Variants in GRID1 observed in about 807,000 individuals in gnomAD.
The protein encoded by GRID1 is glutamate ionotropic receptor delta type subunit 1.
Under a neutral mutation model 98.0 loss-of-function variants are expected in GRID1, and 28 were observed. The ratio of observed to expected loss-of-function variants is 0.29; its 90% CI spans 0.21 to 0.39. The LOEUF (loss-of-function observed/expected upper bound fraction) is 0.39. GRID1 is among the 10% of genes least tolerant of loss of function. The probability of loss-of-function intolerance (pLI) is 1.00; values close to 1 mark genes in which losing one functional copy is unlikely to be tolerated. For missense variants in GRID1, 1,111 were observed against 1,340.5 expected, an observed-to-expected ratio of 0.83 and a Z score of 2.67; for synonymous variants, 553 against 538.5, an observed-to-expected ratio of 1.03 and a Z score of -0.37.
chr10:85,654,182 G>A (rs2132561109), intron 12 of GRID1, among the ~76,000 whole-genome samples: 1 of 152,214 alleles, frequency 6.6e-6, no homozygotes, highest in East Asian at 1.9e-4. Context: ...AGGGCCAGCT[G>A]AGGTGTCCTC....
intron 4 of GRID1, among the ~76,000 whole-genome samples, chr10:85,986,079 T>C (rs1842605020): frequency 6.6e-6 from 1 of 152,232 alleles, no homozygotes; most frequent in Admixed American, 6.5e-5. Context: ...ATAAATCCTG[T>C]TTAATAAAAT....
intron 2 of GRID1, among the ~76,000 whole-genome samples, chr10:86,267,850 C>T (rs1423715443): frequency 3.9e-5 from 6 of 152,186 alleles, no homozygotes; most frequent in Non-Finnish European, 8.8e-5. Flanking sequence ...ATCCCTGAAC[C>T]TTTTCACACT....
At position 86,063,765 on chromosome 10, in the gene GRID1, T is replaced by C. The variant is rs567808230; in HGVS notation, c.726+75054A>G. On this transcript the variant is annotated intron_variant, in intron 4 of 15. Transcript: ENST00000327946. ...CCATATTTATAAAATAAAGGATACA[T>C]GGAACTTTGTAGAAAGTCTAGAAAG... Among the ~76,000 whole-genome samples, 14 of 152,318 alleles carry C rather than the reference T, an allele frequency of 9.2e-5. No homozygotes were observed. The East Asian group carries it at 2.7e-3, about 29-fold the overall frequency.
chr10:86,298,739 C>G lies in GRID1; in HGVS notation c.235+65202G>C, dbSNP rs1010617980. Among the ~76,000 whole-genome samples the G allele has an allele frequency of 1.2e-4, 19 of 152,350 alleles. No individual in the cohort carries two copies. In the East Asian group the frequency reaches 3.7e-3, roughly 29 times the overall value. On this transcript the variant is annotated intron_variant, in intron 2 of 15. Transcript: ENST00000327946. ...ACGGCACCTGCAACTCTCCCAGACA[C>G]AGAGTTGCCAGAGTGTCCTGTGCCC...
chr10:86,205,033 C>T (rs1846006323), intron 3 of GRID1, among the ~76,000 whole-genome samples: 1 of 152,182 alleles, frequency 6.6e-6, no homozygotes, highest in Admixed American at 6.5e-5. Context: ...GGACTGAGTC[C>T]AGTTCAGGTC....
chr10:86,289,007 G>T (rs529483619), intron 2 of GRID1, among the ~76,000 whole-genome samples: 1 of 152,178 alleles, frequency 6.6e-6, no homozygotes, highest in African/African-American at 2.4e-5. Context: ...ACAAAAATAT[G>T]TGTAGACACC....
At chr10:85,932,052 GT>G (rs1841860981) in intron 4 of GRID1, among the ~76,000 whole-genome samples, 1 of 152,134 alleles carries the variant, frequency 6.6e-6, no homozygotes, top group Admixed American at 6.5e-5. Flanking sequence ...ATTTTTCCTG[GT>G]TTGTACCACC....
chr10:85,888,267 T>A (rs1371475689), intron 5 of GRID1, among the ~76,000 whole-genome samples: 1 of 152,002 alleles, frequency 6.6e-6, no homozygotes, highest in Admixed American at 6.6e-5. Context: ...CTCATCCACC[T>A]CCTCCATCAC....
intron 10 of GRID1, among the ~76,000 whole-genome samples, chr10:85,726,807 G>A (rs1841765537): frequency 6.6e-6 from 1 of 152,216 alleles, no homozygotes; most frequent in Non-Finnish European, 1.5e-5. Context: ...GATATCAATG[G>A]CGTGACGGAA....
chr10:85,760,583 G>C, intron 8 of GRID1, among the ~76,000 whole-genome samples: 1 of 152,236 alleles, frequency 6.6e-6, no homozygotes, highest in East Asian at 1.9e-4. Flanking sequence ...TAATCATCAA[G>C]CCTTTCAGTG....
chr10:86,179,349 C>T (rs909553522), intron 3 of GRID1, among the ~76,000 whole-genome samples: 2 of 152,072 alleles, frequency 1.3e-5, no homozygotes, highest in African/African-American at 4.8e-5. Flanking sequence ...CTGGGATCAG[C>T]CAGACATTTA....
At chr10:85,767,369 AT>A (rs111881471) in intron 8 of GRID1, among the ~76,000 whole-genome samples, 6,369 of 152,064 alleles carry the variant, frequency 0.042, 310 homozygotes, top group African/African-American at 0.11. Context: ...TCCACCAGTT[AT>A]TTTTTTCTGA....
At chr10:86,306,719 CTCCAGAAACAGAGA>C (rs1436103313) in intron 2 of GRID1, among the ~76,000 whole-genome samples, 1 of 152,128 alleles carries the variant, frequency 6.6e-6, no homozygotes, top group Non-Finnish European at 1.5e-5. Flanking sequence ...CAAAGGTGTC[CTCCAGAAACAGAGA>C]TCCAAAGTCC....
intron 8 of GRID1, among the ~76,000 whole-genome samples, chr10:85,737,671 T>A (rs951603060): frequency 2.4e-5 from 3 of 123,336 alleles, no homozygotes; most frequent in African/African-American, 3.3e-5. Context: ...TATATATATA[T>A]ATAAACATAT....
At chr10:86,056,996 G>A (rs1190807296) in intron 4 of GRID1, among the ~76,000 whole-genome samples, 5 of 152,190 alleles carry the variant, frequency 3.3e-5, no homozygotes, top group African/African-American at 1.2e-4. Context: ...AACTCTTAGC[G>A]AAGGTGAAGT....
chr10:85,875,584 A>T (rs1539332), intron 5 of GRID1, among the ~76,000 whole-genome samples: 1,852 of 151,708 alleles, frequency 0.012, 37 homozygotes, highest in African/African-American at 0.041. Context: ...CTTTAAAATG[A>T]TTTGTTTCCT....
intron 4 of GRID1, among the ~76,000 whole-genome samples, chr10:85,950,551 G>T (rs1842107182): frequency 6.6e-6 from 1 of 152,306 alleles, no homozygotes; most frequent in South Asian, 2.1e-4. Flanking sequence ...GTGATCAATG[G>T]TCTTGTCAAG....
chr10:85,916,369 C>T lies in GRID1; in HGVS notation c.727-130G>A. The T allele has an allele frequency of 1.3e-6, 1 of 754,722 alleles. No homozygotes were observed. Among genetic ancestry groups the T allele is most frequent in the Non-Finnish European group, 2.3e-6 (1 of 437,734 alleles). The allele number at this position is 754,722 out of a possible 1,614,324, so 46.8% of individuals were successfully genotyped here. A position where few individuals can be genotyped will look rare whatever the true frequency, so the allele number is the denominator to read the frequency against. ...TTTTCCTCACAAAACATGCCATCCC[C>T]CTGGGGCCTGCTCTGGCTGCCTTAG... On this transcript the variant is annotated intron_variant, in intron 4 of 15. Transcript: ENST00000327946. The surrounding 1 kb of genome is among the most constrained non-coding windows in gnomAD (Gnocchi z 4.0).
At chr10:85,957,187 C>A (rs1392726357) in intron 4 of GRID1, among the ~76,000 whole-genome samples, 1 of 152,186 alleles carries the variant, frequency 6.6e-6, no homozygotes, top group Non-Finnish European at 1.5e-5. Flanking sequence ...ATTCGGATTA[C>A]AATTCAAGAT....
Sources: gnomAD v4.1 joint callset for allele counts (sites outside exome capture counted in the v4.1 genomes callset) on GRCh38, gnomAD v4.1.1 for gene constraint, Gnocchi (gnomAD v3.1) non-coding constraint, MANE v1.5 for transcripts, NCBI Gene and HGNC (gene_info 2026-07-23, HGNC 2026-07-21) for gene names.